The following PRMT8 variants were observed in gnomAD, a reference collection of about 807,000 sequenced individuals.
PRMT8 encodes protein arginine N-methyltransferase 8.
In PRMT8, 7 loss-of-function variants were observed where a neutral mutation model predicts 47.1. The ratio of observed to expected loss-of-function variants is 0.15; its 90% CI spans 0.08 to 0.28. The LOEUF is 0.28. PRMT8 is among the 10% of genes least tolerant of loss of function. The pLI, the probability that PRMT8 is intolerant of heterozygous loss-of-function variation, is 1.00. For missense variants in PRMT8, 237 were observed against 505.4 expected (o/e 0.47, Z 5.09); for synonymous variants, 188 against 186.5 (o/e 1.01, Z -0.07).
At chr12:3,479,687 G>A (rs1865253442) in intron 1 of PRMT8, among the ~76,000 whole-genome samples, 1 of 152,218 alleles carries the variant, frequency 6.6e-6, no homozygotes, top group Non-Finnish European at 1.5e-5. Context: ...GACCCACTAT[G>A]ACTTATGGAA....
chr12:3,527,749 T>C (rs1865969098), intron 1 of PRMT8, among the ~76,000 whole-genome samples: 1 of 152,184 alleles, frequency 6.6e-6, no homozygotes, highest in South Asian at 2.1e-4. Flanking sequence ...CACATAGAGT[T>C]ACCATTTCCA....
intron 1 of PRMT8, among the ~76,000 whole-genome samples, chr12:3,507,453 A>G (rs1321830450): frequency 1.3e-5 from 2 of 152,180 alleles, no homozygotes; most frequent in Non-Finnish European, 2.9e-5. Context: ...GGTCTCCCAG[A>G]AAATGAAAGA....
chr12:3,591,304 C>T (rs967847327), intron 8 of PRMT8, among the ~76,000 whole-genome samples: 3 of 151,788 alleles, frequency 2.0e-5, no homozygotes, highest in Non-Finnish European at 4.4e-5. Context: ...TCCCTCATTT[C>T]TTTCTGATCT....
intron 1 of PRMT8, among the ~76,000 whole-genome samples, chr12:3,390,882 A>G (rs758645830): frequency 9.2e-5 from 14 of 152,218 alleles, no homozygotes; most frequent in Admixed American, 5.2e-4. Context: ...CTCCTAGCAC[A>G]TAGTAGACGC....
intron 1 of PRMT8, among the ~76,000 whole-genome samples, chr12:3,384,377 G>A (rs2137042259): frequency 6.6e-6 from 1 of 151,884 alleles, no homozygotes; most frequent in African/African-American, 2.4e-5. Flanking sequence ...CCTGCTTTAG[G>A]CCAAACAATA....
chr12:3,577,742 T>C, intron 7 of PRMT8, among the ~76,000 whole-genome samples: 1 of 152,138 alleles, frequency 6.6e-6, no homozygotes, highest in Admixed American at 6.5e-5. Flanking sequence ...CCAAGACAGT[T>C]CTTCTTCTAA....
intron 1 of PRMT8, among the ~76,000 whole-genome samples, chr12:3,404,938 T>C (rs1157003651): frequency 1.3e-5 from 2 of 152,212 alleles, no homozygotes; most frequent in Non-Finnish European, 2.9e-5. Flanking sequence ...GTCTATTTTT[T>C]CCCTCTATTA....
upstream of PRMT8, among the ~76,000 whole-genome samples, chr12:3,489,417 C>T (rs909872044): frequency 1.3e-5 from 2 of 151,806 alleles, no homozygotes; most frequent in Non-Finnish European, 2.9e-5. Context: ...CCTCTGCTTG[C>T]TGATGGACCA....
intron 1 of PRMT8, among the ~76,000 whole-genome samples, chr12:3,494,913 C>T (rs1281054160): frequency 6.6e-6 from 1 of 152,158 alleles, no homozygotes; most frequent in African/African-American, 2.4e-5. Flanking sequence ...CAGGACAGCC[C>T]CTGGCACATG....
chr12:3,480,347 C>G (rs1485901062), intron 1 of PRMT8, among the ~76,000 whole-genome samples: 1 of 152,146 alleles, frequency 6.6e-6, no homozygotes, highest in Non-Finnish European at 1.5e-5. Flanking sequence ...TCCTTCTTCC[C>G]CCTTGCTTGT....
At chr12:3,571,791 G>A (rs890867673) in intron 6 of PRMT8, among the ~76,000 whole-genome samples, 3 of 151,852 alleles carry the variant, frequency 2.0e-5, no homozygotes, top group Non-Finnish European at 2.9e-5. Flanking sequence ...CTATTTTTTT[G>A]TAAAGGAAGC....
At chr12:3,389,684 C>G (rs1345292780) in intron 1 of PRMT8, among the ~76,000 whole-genome samples, 2 of 152,214 alleles carry the variant, frequency 1.3e-5, no homozygotes, top group Non-Finnish European at 2.9e-5. Context: ...ATCTACTGCC[C>G]TGGGGACACA....
At chr12:3,399,337 T>C (rs1864295161) in intron 1 of PRMT8, among the ~76,000 whole-genome samples, 2 of 152,096 alleles carry the variant, frequency 1.3e-5, no homozygotes, top group Admixed American at 1.3e-4. Context: ...AATAGAGTGG[T>C]TCAGAGAATC....
At chr12:3,525,682 CTTTGA>C (rs750102480) in intron 1 of PRMT8, among the ~76,000 whole-genome samples, 2 of 151,994 alleles carry the variant, frequency 1.3e-5, no homozygotes, top group Non-Finnish European at 2.9e-5. Flanking sequence ...GCTTAAAAGT[CTTTGA>C]TTTGAGAGTT....
At chr12:3,403,302 A>G (rs183282289) in intron 1 of PRMT8, among the ~76,000 whole-genome samples, 21 of 152,146 alleles carry the variant, frequency 1.4e-4, no homozygotes, top group African/African-American at 5.1e-4. Flanking sequence ...AACAACACAC[A>G]CTGAGGCCTA....
intron 1 of PRMT8, among the ~76,000 whole-genome samples, chr12:3,450,881 A>G (rs1243463760): frequency 6.6e-6 from 1 of 152,254 alleles, no homozygotes; most frequent in African/African-American, 2.4e-5. Flanking sequence ...TGTAAACACT[A>G]TGATGACTAG....
intron 1 of PRMT8, among the ~76,000 whole-genome samples, chr12:3,540,296 T>C (rs1245915281): frequency 6.6e-6 from 1 of 152,206 alleles, no homozygotes; most frequent in African/African-American, 2.4e-5. Flanking sequence ...CAAAGGAAGA[T>C]ACTATTTTCC....
intron 7 of PRMT8, 128 bp from the exon 8 acceptor site, chr12:3,582,930 C>T: frequency 8.6e-7 from 1 of 1,156,688 alleles, no homozygotes; most frequent in Non-Finnish European, 1.2e-6. Context: ...TGGGAAATCA[C>T]CCCAAGAATA....
At chr12:3,487,796 T>G (rs1260382574), upstream of PRMT8, among the ~76,000 whole-genome samples, 2 of 152,210 alleles carry the variant, frequency 1.3e-5, no homozygotes, top group Non-Finnish European at 2.9e-5. Context: ...TTGGATCTTC[T>G]GTAACTTAGG....
Sources: gnomAD v4.1 joint callset for allele counts (sites outside exome capture counted in the v4.1 genomes callset) on GRCh38, gnomAD v4.1.1 for gene constraint, MANE v1.5 for transcripts, NCBI Gene and HGNC (gene_info 2026-07-23, HGNC 2026-07-21) for gene names.